Variants in FRMD7 observed in about 807,000 individuals in gnomAD.
FRMD7 encodes the protein FERM domain-containing protein 7.
Under a neutral mutation model 44.1 loss-of-function variants are expected in FRMD7, and 14 were observed. That is an observed-to-expected ratio of 0.32 (90% CI 0.21 to 0.50). The LOEUF (loss-of-function observed/expected upper bound fraction) is 0.50. Among genes scored for constraint, FRMD7 ranks in the 20% least tolerant of loss-of-function variants. FRMD7 has a pLI of 0.99. For synonymous variants in FRMD7, 212 were observed against 187.4 expected, an observed-to-expected ratio of 1.13 and a Z score of -1.07; for missense variants, 501 against 522.3, an observed-to-expected ratio of 0.96 and a Z score of 0.40.
chrX:132,126,082 TATCATCATCATCACTATC>T (rs1929148823), intron 1 of FRMD7, among the ~76,000 whole-genome samples: 1 of 91,670 alleles, frequency 1.1e-5, no homozygotes, highest in Non-Finnish European at 2.1e-5. Context: ...TCACCACCAT[TATCATCATCATCACTATC>T]ATCATCATCA....
chrX:132,085,698 C>T lies in FRMD7; in HGVS notation c.528G>A (p.Leu176=). Residue 176 remains leucine, a synonymous_variant, in exon 7 of 12, where the codon CTG becomes CTA. Coordinates refer to ENST00000298542, the MANE Select transcript of FRMD7 (RefSeq NM_194277.3). ...IGRSPAESDI[L]LLDIARKLDM... is the part of the protein sequence containing the mutation. ...CCAGCTTCCTTGCTATGTCCAGTAG[C>T]AGAATGTCAGATTCAGCTGGGCTCC... 8.3e-7 allele frequency: 1 copy of T among 1,210,198 alleles called. No individual in the cohort carries two copies. Among genetic ancestry groups the T allele is most frequent in the Non-Finnish European group, 1.1e-6 (1 of 894,160 alleles).
chrX:132,125,851 T>C (rs1211426871), intron 1 of FRMD7, among the ~76,000 whole-genome samples: 3 of 111,614 alleles, frequency 2.7e-5, no homozygotes, highest in African/African-American at 9.8e-5. Flanking sequence ...GGGAGAGTTC[T>C]GGATTGGAAG....
chrX:132,091,885 G>A (rs1928186243), intron 5 of FRMD7, among the ~76,000 whole-genome samples: 1 of 111,434 alleles, frequency 9.0e-6, no homozygotes, highest in South Asian at 3.7e-4. Flanking sequence ...AAGAAGAAAA[G>A]AATAAAATTT....
intron 7 of FRMD7, 63 bp from the exon 8 acceptor site, chrX:132,084,648 C>A: frequency 3.0e-6 from 2 of 675,664 alleles, no homozygotes; most frequent in Non-Finnish European, 4.9e-6. Context: ...TAAGACAGTG[C>A]AAACCTGATA....
chrX:132,077,924 G>A lies in FRMD7; in HGVS notation c.2093C>T (p.Pro698Leu), dbSNP rs755805433. 4 of 1,208,664 alleles carry A rather than the reference G, an allele frequency of 3.3e-6. No homozygotes were observed. The African/African-American group carries it at 5.2e-5, about 16-fold the overall frequency. ...EEDEDAYFNT[P>L]TAEDRTSLKP... ...TAGTGAAGTCCTGTCTTCAGCAGTT[G>A]GTGTGTTGAAATAAGCATCTTCATC... The change falls in exon 12 of 12, where the codon CCA (proline) becomes CTA (leucine). Residue 698 changes from proline (P) to leucine (L), a missense_variant. Transcript: ENST00000298542.
intron 1 of FRMD7, among the ~76,000 whole-genome samples, chrX:132,111,223 TTTTTTTAA>T (rs1928770077): frequency 8.9e-6 from 1 of 112,455 alleles, no homozygotes; most frequent in Admixed American, 9.4e-5. Flanking sequence ...TGGCATTTTC[TTTTTTTAA>T]TTTTTTAATT....
intron 5 of FRMD7, among the ~76,000 whole-genome samples, chrX:132,089,619 AT>A (rs1928105219): frequency 8.9e-6 from 1 of 112,256 alleles, no homozygotes; most frequent in Non-Finnish European, 1.9e-5. Context: ...TTTAATCAGA[AT>A]TTATAAAACC....
chrX:132,088,743 T>C (rs1178557707), intron 5 of FRMD7, among the ~76,000 whole-genome samples: 1 of 111,208 alleles, frequency 9.0e-6, no homozygotes, highest in Non-Finnish European at 1.9e-5. Flanking sequence ...CCATTTACAA[T>C]AGCATCAAAA....
intron 5 of FRMD7, among the ~76,000 whole-genome samples, chrX:132,092,546 T>C (rs923354033): frequency 5.3e-5 from 6 of 112,299 alleles, no homozygotes; most frequent in Non-Finnish European, 9.4e-5. Context: ...GTTGGAACTT[T>C]AGCTTTTTTC....
intron 1 of FRMD7, among the ~76,000 whole-genome samples, chrX:132,106,336 T>A (rs1414636472): frequency 8.9e-6 from 1 of 111,815 alleles, no homozygotes; most frequent in Non-Finnish European, 1.9e-5. Flanking sequence ...TCAAATGGTA[T>A]TAAAAATAAT....
At chrX:132,101,868 C>T (rs1928509278) in intron 1 of FRMD7, among the ~76,000 whole-genome samples, 1 of 111,478 alleles carries the variant, frequency 9.0e-6, no homozygotes, top group Non-Finnish European at 1.9e-5. Flanking sequence ...TTTCAGCCTG[C>T]CTCCACTATT....
chrX:132,080,155 T>G, intron 10 of FRMD7, 43 bp downstream of exon 10: 2 of 1,140,303 alleles, frequency 1.8e-6, no homozygotes, highest in Non-Finnish European at 2.4e-6. Context: ...ATCTCCAAAT[T>G]CAACATAAAA....
chrX:132,123,589 T>C (rs983497536), intron 1 of FRMD7, among the ~76,000 whole-genome samples: 2 of 112,211 alleles, frequency 1.8e-5, no homozygotes, highest in African/African-American at 6.5e-5. Flanking sequence ...ATCCCAAGGG[T>C]AAATTCCACC....
chrX:132,088,348 G>A (rs1383184520), intron 5 of FRMD7, among the ~76,000 whole-genome samples: 1 of 111,290 alleles, frequency 9.0e-6, no homozygotes. Context: ...CCAGGAGTTC[G>A]AGACCAGCTT....
intron 1 of FRMD7, among the ~76,000 whole-genome samples, chrX:132,117,660 C>G (rs943954080): frequency 4.5e-5 from 5 of 111,860 alleles, no homozygotes; most frequent in Admixed American, 2.8e-4. Context: ...GACAGCCAAT[C>G]TAAGGATCAC....
At chrX:132,118,512 C>G (rs372296732) in intron 1 of FRMD7, among the ~76,000 whole-genome samples, 23 of 111,393 alleles carry the variant, frequency 2.1e-4, no homozygotes, top group African/African-American at 6.8e-4. Flanking sequence ...CACACAGGAA[C>G]TGGAGGCCAA....
chrX:132,078,416 C>T lies in FRMD7; in HGVS notation c.1601G>A (p.Ser534Asn), dbSNP rs1927688287. Residue 534 changes from serine to asparagine, a missense_variant, in exon 12 of 12, where the codon AGC (serine) becomes AAC (asparagine). Ser to Asn is a conservative substitution (Grantham distance 46). This residue lies in a region of FRMD7 where 453 missense variants were observed against 452.7 expected (regional missense o/e 1.00). Coordinates refer to ENST00000298542, the MANE Select transcript of FRMD7 (RefSeq NM_194277.3). ...EPTAMKPAER[S>N]PRNIRMKSFQ... is the part of the protein sequence containing the mutation. ...GCTCTTCATTCTGATATTCCTTGGGCTTCTTTCAGCTGGCTTCATTGCAGT... is the reference window on the plus strand; with the variant it reads ...GCTCTTCATTCTGATATTCCTTGGGTTTCTTTCAGCTGGCTTCATTGCAGT... 3 of 1,211,430 alleles carry T rather than the reference C, an allele frequency of 2.5e-6. No homozygotes were observed. In the East Asian group the frequency reaches 8.9e-5, roughly 36 times the overall value.
intron 1 of FRMD7, among the ~76,000 whole-genome samples, chrX:132,101,078 T>TTTAGTC (rs1342193884): frequency 9.0e-6 from 1 of 111,268 alleles, no homozygotes; most frequent in Non-Finnish European, 1.9e-5. Context: ...AGTCAAGATG[T>TTTAGTC]AAATCCAACC....
intron 1 of FRMD7, among the ~76,000 whole-genome samples, chrX:132,122,642 A>G (rs1602840806): frequency 8.9e-6 from 1 of 112,322 alleles, no homozygotes; most frequent in South Asian, 3.7e-4. Flanking sequence ...GACGAAGTTC[A>G]GAACCCTAGT....
Sources: gnomAD v4.1 joint callset for allele counts (sites outside exome capture counted in the v4.1 genomes callset) on GRCh38, gnomAD v4.1.1 for gene constraint, gnomAD v4.1.1 regional missense constraint, MANE v1.5 for transcripts, NCBI Gene and HGNC (gene_info 2026-07-23, HGNC 2026-07-21) for gene names.